DLG2: variants seen among roughly 807,000 people sequenced by gnomAD.
DLG2 encodes the protein discs large MAGUK scaffold protein 2.
In DLG2, 45 loss-of-function variants were observed where a neutral mutation model predicts 132.5. The observed-to-expected ratio is 0.34, with a 90% CI of 0.27 to 0.44. DLG2 has a LOEUF of 0.44. Among genes scored for constraint, DLG2 ranks in the 20% least tolerant of loss-of-function variants. DLG2 has a pLI of 1.00. For synonymous variants in DLG2, 424 were observed against 419.6 expected (o/e 1.01, Z -0.13); for missense variants, 1,045 against 1,196.9 (o/e 0.87, Z 1.87).
intron 7 of DLG2, among the ~76,000 whole-genome samples, chr11:84,427,242 G>A (rs2098969810): frequency 6.6e-6 from 1 of 151,710 alleles, no homozygotes; most frequent in Non-Finnish European, 1.5e-5. Context: ...AATGAAGGAA[G>A]GAAAGAAGAG....
At chr11:84,373,563 C>CT (rs2098717635) in intron 7 of DLG2, among the ~76,000 whole-genome samples, 1 of 151,154 alleles carries the variant, frequency 6.6e-6, no homozygotes, top group Middle Eastern at 3.4e-3. Context: ...GAGCAAGACT[C>CT]TGTCTAAAAA....
rs555361008 is a variant in DLG2, at chr11:85,166,314, G to C, written c.187-11663C>G. ...TGATTCTTCATCTAGGCTTTAGGAA[G>C]ACATTCTTCCCAATTTCTGGTCCTA... On this transcript the variant is annotated intron_variant, in intron 4 of 27. Coordinates refer to ENST00000376104, the MANE Select transcript of DLG2 (RefSeq NM_001142699.3). Among the ~76,000 whole-genome samples the C allele has an allele frequency of 1.1e-4, 17 of 152,208 alleles. No homozygotes were observed. In the South Asian group the frequency reaches 2.1e-3, roughly 19 times the overall value.
At chr11:84,711,925 A>T (rs1030072625) in intron 6 of DLG2, among the ~76,000 whole-genome samples, 9 of 152,110 alleles carry the variant, frequency 5.9e-5, no homozygotes, top group African/African-American at 2.2e-4. Flanking sequence ...GGGATCTTCC[A>T]GGCATTATAC....
intron 6 of DLG2, chr11:84,800,389 G>A (rs545066445): frequency 1.3e-5 from 2 of 152,258 alleles, no homozygotes; most frequent in Non-Finnish European, 2.9e-5. Flanking sequence ...TAATTAGCTG[G>A]TTGTACAGTT....
At chr11:84,320,233 A>G (rs551848511) in intron 7 of DLG2, among the ~76,000 whole-genome samples, 9 of 152,354 alleles carry the variant, frequency 5.9e-5, no homozygotes, top group African/African-American at 2.2e-4. Flanking sequence ...TTCATAGAAC[A>G]ATCACTAGTT....
intron 6 of DLG2, among the ~76,000 whole-genome samples, chr11:84,612,128 C>T (rs972918680): frequency 6.6e-6 from 1 of 152,094 alleles, no homozygotes; most frequent in African/African-American, 2.4e-5. Flanking sequence ...AGCTTTCTGT[C>T]ACTACAGATT....
At chr11:83,981,358 A>G (rs1204538869) in intron 11 of DLG2, among the ~76,000 whole-genome samples, 1 of 152,174 alleles carries the variant, frequency 6.6e-6, no homozygotes, top group East Asian at 1.9e-4. Context: ...ATTCCAGTAT[A>G]CAGTCTAAAA....
chr11:84,063,148 T>C (rs1428197602), intron 10 of DLG2, among the ~76,000 whole-genome samples: 1 of 152,190 alleles, frequency 6.6e-6, no homozygotes, highest in African/African-American at 2.4e-5. Flanking sequence ...AGACTTACTC[T>C]CCAATCTCAC....
chr11:85,394,440 C>T (rs2087101939), intron 3 of DLG2, among the ~76,000 whole-genome samples: 3 of 151,790 alleles, frequency 2.0e-5, no homozygotes, highest in Admixed American at 2.0e-4. Flanking sequence ...TAAAGCATCA[C>T]ACAGCAGGTG....
At chr11:85,404,194 G>T (rs917552567) in intron 3 of DLG2, among the ~76,000 whole-genome samples, 4 of 151,948 alleles carry the variant, frequency 2.6e-5, no homozygotes, top group Admixed American at 2.0e-4. Context: ...TCAGGAGAGA[G>T]ATTAGTATTA....
intron 7 of DLG2, among the ~76,000 whole-genome samples, chr11:84,291,576 TCCTCATGCAATGA>T (rs1018504504): frequency 5.3e-5 from 8 of 152,176 alleles, no homozygotes; most frequent in Non-Finnish European, 1.0e-4. Context: ...TGAGTTTTTC[TCCTCATGCAATGA>T]CCTTTATCTC....
intron 6 of DLG2, among the ~76,000 whole-genome samples, chr11:84,702,507 T>C (rs2059319821): frequency 6.6e-6 from 1 of 151,720 alleles, no homozygotes; most frequent in Non-Finnish European, 1.5e-5. Context: ...AAAAGGTCTT[T>C]TGATTCTTTT....
At chr11:84,635,113 A>G (rs778250552) in intron 6 of DLG2, among the ~76,000 whole-genome samples, 3 of 152,214 alleles carry the variant, frequency 2.0e-5, no homozygotes, top group African/African-American at 7.2e-5. Flanking sequence ...AAGCAAAACA[A>G]TAACAACAAA....
chr11:84,419,215 G>A (rs1601789913), intron 7 of DLG2, among the ~76,000 whole-genome samples: 1 of 152,170 alleles, frequency 6.6e-6, no homozygotes, highest in Admixed American at 6.5e-5. Context: ...GTGGGCTTGT[G>A]TAAGATCACT....
chr11:85,224,510 A>C (rs2074857953), intron 4 of DLG2, among the ~76,000 whole-genome samples: 3 of 152,176 alleles, frequency 2.0e-5, no homozygotes, highest in Admixed American at 6.6e-5. Context: ...GTTACTGTCC[A>C]GGCTGTTTAA....
At position 83,875,180 on chromosome 11, in the gene DLG2, T is replaced by A. The variant is rs1202139510; in HGVS notation, c.1497-692A>T. ...AACACAAAACTTGAAAAATGAGACT[T>A]CCAGCTGCATATCAATCTTCAAATT... On this transcript the variant is annotated intron_variant, in intron 15 of 27. Coordinates refer to ENST00000376104, the MANE Select transcript of DLG2 (RefSeq NM_001142699.3). Among the ~76,000 whole-genome samples the A allele has an allele frequency of 2.0e-5, 3 of 152,240 alleles. No homozygotes were observed. The South Asian group carries it at 6.2e-4, about 32-fold the overall frequency.
intron 7 of DLG2, among the ~76,000 whole-genome samples, chr11:84,399,940 C>T (rs183398100): frequency 3.9e-5 from 6 of 152,302 alleles, no homozygotes; most frequent in Admixed American, 3.3e-4. Flanking sequence ...GTCAATATAT[C>T]GACTGCTAGA....
chr11:85,156,253 A>ATG (rs150539117), intron 4 of DLG2, among the ~76,000 whole-genome samples: 4 of 152,122 alleles, frequency 2.6e-5, no homozygotes, highest in South Asian at 2.1e-4. Context: ...ATGTATATAT[A>ATG]TGTGTGTGTG....
At chr11:83,799,597 C>G (rs1011581268) in intron 17 of DLG2, among the ~76,000 whole-genome samples, 2 of 152,106 alleles carry the variant, frequency 1.3e-5, no homozygotes, top group African/African-American at 4.8e-5. Flanking sequence ...GGAAGCCAAA[C>G]AGAGTTTAAA....
Sources: allele counts gnomAD v4.1 joint callset (sites outside exome capture counted in the v4.1 genomes callset), GRCh38; gene constraint gnomAD v4.1.1; transcripts MANE v1.5; gene names NCBI Gene and HGNC (gene_info 2026-07-23, HGNC 2026-07-21).